Variants in TAB2 observed in about 807,000 individuals in gnomAD.
The protein encoded by TAB2 is TGF-beta-activated kinase 1 and MAP3K7-binding protein 2.
A neutral mutation model predicts 65.0 loss-of-function variants in TAB2; 3 were observed. That is an observed-to-expected ratio of 0.05 (90% CI 0.02 to 0.12). The LOEUF is 0.12. Among genes scored for constraint, TAB2 ranks in the 10% least tolerant of loss-of-function variants. The pLI is 1.00. For synonymous variants in TAB2, 298 were observed against 285.1 expected, an observed-to-expected ratio of 1.05 and a Z score of -0.46; for missense variants, 623 against 840.3, an observed-to-expected ratio of 0.74 and a Z score of 3.20.
chr6:149,223,003 A>G (rs1294429883), intron 1 of TAB2, among the ~76,000 whole-genome samples: 1 of 152,248 alleles, frequency 6.6e-6, no homozygotes, highest in Non-Finnish European at 1.5e-5. Flanking sequence ...GCCCCCTTCT[A>G]TTCATTATTT....
chr6:149,261,541 A>G (rs1778154117), intron 1 of TAB2, among the ~76,000 whole-genome samples: 1 of 152,244 alleles, frequency 6.6e-6, no homozygotes, highest in African/African-American at 2.4e-5. Flanking sequence ...CACAAAGATG[A>G]AAGGGAGCAA....
chr6:149,323,185 T>C (rs1016173882), intron 1 of TAB2, among the ~76,000 whole-genome samples: 1 of 152,170 alleles, frequency 6.6e-6, no homozygotes, highest in African/African-American at 2.4e-5. Context: ...CTTTTAATTT[T>C]AAGCACTGAA....
Position 149,397,612 on chromosome 6 carries a change from G to T in TAB2, c.1612G>T (p.Val538Leu). 2 of 1,613,956 alleles carry T rather than the reference G, an allele frequency of 1.2e-6. No homozygotes were observed. Among genetic ancestry groups the T allele is most frequent in the Non-Finnish European group, 1.7e-6 (2 of 1,179,960 alleles). ...DDAAYTQALL[V>L]HQKARMERLQ... ...ACTAATGTGTGTTGCAGCTCTTTTG[G>T]TACACCAGAAGGCCAGAATGGAACG... The change falls in exon 4 of 7, where the codon GTA becomes TTA. Residue 538 changes from valine to leucine, a missense_variant. By Grantham distance (32) the Val-to-Leu change is conservative. Transcript: ENST00000637181.
intron 3 of TAB2, among the ~76,000 whole-genome samples, chr6:149,397,229 G>T (rs1782201512): frequency 6.6e-6 from 1 of 152,158 alleles, no homozygotes; most frequent in Non-Finnish European, 1.5e-5. Flanking sequence ...ATCACCTGGG[G>T]TCCAGAGTTC....
At chr6:149,371,167 A>G (rs1781215010) in intron 2 of TAB2, among the ~76,000 whole-genome samples, 1 of 151,910 alleles carries the variant, frequency 6.6e-6, no homozygotes, top group Admixed American at 6.6e-5. Flanking sequence ...TTTTTATCAA[A>G]TCTGTAATTT....
chr6:149,402,014 A>G (rs1782441080), intron 6 of TAB2, among the ~76,000 whole-genome samples: 1 of 151,514 alleles, frequency 6.6e-6, no homozygotes. Context: ...AAAAAAAAGA[A>G]AGATCTCAAT....
At chr6:149,333,771 A>C (rs1237679255) in intron 1 of TAB2, among the ~76,000 whole-genome samples, 1 of 151,624 alleles carries the variant, frequency 6.6e-6, no homozygotes, top group African/African-American at 2.4e-5. Context: ...GTACAGATAC[A>C]TATATTGTGT....
At chr6:149,317,403 C>A, upstream of TAB2, 1 of 133,994 alleles carries the variant, frequency 7.5e-6, no homozygotes, top group South Asian at 1.6e-4. The surrounding 1 kb of genome is among the most constrained non-coding windows in gnomAD (Gnocchi z 4.7). Flanking sequence ...AGAGCATCCC[C>A]GGGCCGCAGC....
At chr6:149,255,394 T>C (rs1222227786) in intron 1 of TAB2, 1 of 152,200 alleles carries the variant, frequency 6.6e-6, no homozygotes, top group Non-Finnish European at 1.5e-5. Context: ...ATAATTACAA[T>C]ACAATCAAAT....
At chr6:149,275,223 G>T (rs1202184867) in intron 1 of TAB2, among the ~76,000 whole-genome samples, 1 of 89,716 alleles carries the variant, frequency 1.1e-5, no homozygotes, top group Admixed American at 1.1e-4. Flanking sequence ...GCGGGGGAGG[G>T]GGGAGAGAGA....
At chr6:149,335,335 A>AT (rs1491274399) in intron 1 of TAB2, among the ~76,000 whole-genome samples, 1 of 150,902 alleles carries the variant, frequency 6.6e-6, no homozygotes, top group African/African-American at 2.4e-5. Flanking sequence ...TATATAAAAA[A>AT]TATATGTGTG....
chr6:149,299,240 G>C (rs1048250742), intron 1 of TAB2, among the ~76,000 whole-genome samples: 2 of 152,172 alleles, frequency 1.3e-5, no homozygotes, highest in African/African-American at 4.8e-5. Flanking sequence ...AATTACATTA[G>C]TGTCTATTGG....
chr6:149,333,741 GTGTGTC>G (rs1466668121), intron 1 of TAB2, among the ~76,000 whole-genome samples: 1 of 150,896 alleles, frequency 6.6e-6, no homozygotes, highest in East Asian at 1.9e-4. Flanking sequence ...GTGTGTGTGT[GTGTGTC>G]TATGTGTCTG....
In TAB2 at chr6:149,281,357, C is replaced by T. The variant is rs140809792; in HGVS notation, c.-121+62581C>T. ...AAGCTATAAACAATAAACTCTAAAG[C>T]AACCACTATAATAACAAAGAGTTAT... On this transcript the variant is annotated intron_variant, in intron 1 of 1. Transcript: ENST00000606202. Among the ~76,000 whole-genome samples, 664 of 151,870 alleles carry T rather than the reference C, an allele frequency of 4.4e-3. 6 individuals carry two copies. The highest frequency in any genetic ancestry group is 0.014 in the African/African-American group (590 of 41,404).
chr6:149,231,189 C>T (rs1777398455), intron 1 of TAB2, among the ~76,000 whole-genome samples: 1 of 152,190 alleles, frequency 6.6e-6, no homozygotes, highest in African/African-American at 2.4e-5. Context: ...ATTTGGGGAA[C>T]ATTAGGAAGG....
intron 1 of TAB2, among the ~76,000 whole-genome samples, chr6:149,294,646 T>G (rs975935234): frequency 6.6e-6 from 1 of 152,258 alleles, no homozygotes; most frequent in African/African-American, 2.4e-5. Context: ...ATGTATAGTT[T>G]TGTATCACTT....
At chr6:149,252,858 C>G (rs966297537) in intron 1 of TAB2, among the ~76,000 whole-genome samples, 1 of 152,148 alleles carries the variant, frequency 6.6e-6, no homozygotes, top group Non-Finnish European at 1.5e-5. Flanking sequence ...TCCACTTGCC[C>G]TATTTCTCTT....
intron 6 of TAB2, among the ~76,000 whole-genome samples, chr6:149,403,247 AATATATATATATATATATAT>A (rs71010865): frequency 6.8e-5 from 3 of 44,034 alleles, no homozygotes; most frequent in Non-Finnish European, 1.1e-4. Context: ...AAAAAAAAAA[AATATATATATATATATATAT>A]ATATATATAT....
At chr6:149,224,490 A>G (rs1777224314) in intron 1 of TAB2, among the ~76,000 whole-genome samples, 1 of 152,188 alleles carries the variant, frequency 6.6e-6, no homozygotes, top group Non-Finnish European at 1.5e-5. Context: ...CCTGGGCTGA[A>G]CTCTGAAATG....
Sources: gnomAD v4.1 joint callset for allele counts (sites outside exome capture counted in the v4.1 genomes callset) on GRCh38, gnomAD v4.1.1 for gene constraint, Gnocchi (gnomAD v3.1) non-coding constraint, MANE v1.5 for transcripts, NCBI Gene and HGNC (gene_info 2026-07-23, HGNC 2026-07-21) for gene names.